Variants in CTNNA2 observed in about 807,000 individuals in gnomAD.
CTNNA2 encodes the protein catenin alpha 2, also known as catenin alpha-2.
CTNNA2 carries 42 observed loss-of-function variants against 101.0 expected under a neutral mutation model. That is an observed-to-expected ratio of 0.42 (90% CI 0.32 to 0.54). CTNNA2 has a LOEUF of 0.54. Among genes scored for constraint, CTNNA2 ranks in the 20% least tolerant of loss-of-function variants. The pLI, the probability that CTNNA2 is intolerant of heterozygous loss-of-function variation, is 0.14. For synonymous variants in CTNNA2, 450 were observed against 456.4 expected (o/e 0.99, Z 0.18); for missense variants, 871 against 1,223.1 (o/e 0.71, Z 4.29).
At chr2:80,215,675 G>A (rs1708218804) in intron 7 of CTNNA2, among the ~76,000 whole-genome samples, 1 of 152,224 alleles carries the variant, frequency 6.6e-6, no homozygotes. Context: ...GGCCCCTACT[G>A]GGAGGTGTCT....
intron 4 of CTNNA2, among the ~76,000 whole-genome samples, chr2:79,480,697 T>C (rs1243612736): frequency 1.3e-5 from 2 of 152,244 alleles, no homozygotes; most frequent in Non-Finnish European, 2.9e-5. Flanking sequence ...ATTTTCTGGT[T>C]AATTTCAGCA....
At chr2:80,479,151 A>G (rs1685955540) in intron 9 of CTNNA2, among the ~76,000 whole-genome samples, 1 of 152,002 alleles carries the variant, frequency 6.6e-6, no homozygotes, top group Non-Finnish European at 1.5e-5. Context: ...ATTTTTATTT[A>G]TTAACAGTTT....
At chr2:80,053,600 T>A (rs537394026) in intron 7 of CTNNA2, among the ~76,000 whole-genome samples, 2 of 152,302 alleles carry the variant, frequency 1.3e-5, no homozygotes, top group South Asian at 4.1e-4. Flanking sequence ...TGCAAAGGTG[T>A]CACTTCCAAA....
intron 7 of CTNNA2, among the ~76,000 whole-genome samples, chr2:80,322,839 C>A (rs1196025234): frequency 1.3e-5 from 2 of 152,154 alleles, no homozygotes; most frequent in Non-Finnish European, 2.9e-5. Flanking sequence ...CAAGACGTTT[C>A]GGGCCAGGCG....
chr2:80,078,284 A>G (rs1002985535), intron 7 of CTNNA2, among the ~76,000 whole-genome samples: 1 of 152,166 alleles, frequency 6.6e-6, no homozygotes, highest in African/African-American at 2.4e-5. Context: ...GAACTTCAAC[A>G]GGAAGTGCAG....
intron 1 of CTNNA2, among the ~76,000 whole-genome samples, chr2:79,521,075 G>A (rs1399045833): frequency 8.8e-6 from 1 of 114,054 alleles, no homozygotes; most frequent in African/African-American, 3.6e-5. Context: ...CTATTTGAAA[G>A]TTACCCCTTT....
chr2:80,128,870 C>T (rs1435188997), intron 7 of CTNNA2, among the ~76,000 whole-genome samples: 1 of 152,120 alleles, frequency 6.6e-6, no homozygotes, highest in African/African-American at 2.4e-5. Context: ...GTCTTAAAGT[C>T]CATTCACACA....
At chr2:80,436,088 A>G (rs1001201067) in intron 9 of CTNNA2, among the ~76,000 whole-genome samples, 3 of 152,200 alleles carry the variant, frequency 2.0e-5, no homozygotes, top group African/African-American at 4.8e-5. Context: ...CAAAGTGAGG[A>G]CAATATACAG....
chr2:79,338,294 G>T (rs1364039752), intron 3 of CTNNA2, among the ~76,000 whole-genome samples: 4 of 149,786 alleles, frequency 2.7e-5, no homozygotes, highest in Non-Finnish European at 4.4e-5. Context: ...GAATGTGTGT[G>T]TGTCCATGTG....
chr2:80,388,910 T>G (rs1253879723), intron 7 of CTNNA2, among the ~76,000 whole-genome samples: 1 of 152,220 alleles, frequency 6.6e-6, no homozygotes, highest in Non-Finnish European at 1.5e-5. Context: ...AGACAAAATA[T>G]GTCCCAGGAC....
At chr2:79,587,886 A>T (rs960641056) in intron 1 of CTNNA2, among the ~76,000 whole-genome samples, 2 of 152,240 alleles carry the variant, frequency 1.3e-5, no homozygotes, top group Admixed American at 1.3e-4. Flanking sequence ...CACAAAAATG[A>T]TATGCTCACA....
At chr2:79,990,047 G>A (rs1014811578) in intron 7 of CTNNA2, among the ~76,000 whole-genome samples, 1 of 152,162 alleles carries the variant, frequency 6.6e-6, no homozygotes, top group African/African-American at 2.4e-5. Flanking sequence ...TCTAGCTGTG[G>A]GAAGAAACAA....
At chr2:79,208,789 A>C (rs13421121) in intron 2 of CTNNA2, among the ~76,000 whole-genome samples, 151 of 152,354 alleles carry the variant, frequency 9.9e-4, no homozygotes, top group African/African-American at 3.2e-3. Flanking sequence ...GGCTGTGACT[A>C]TAAATTAATT....
intron 3 of CTNNA2, among the ~76,000 whole-genome samples, chr2:79,851,754 T>G (rs1680735296): frequency 1.4e-5 from 2 of 142,282 alleles, no homozygotes; most frequent in African/African-American, 2.6e-5. Context: ...TTTTTTTTTT[T>G]TTTTTGAGAC....
chr2:80,254,034 A>T (rs1022010754), intron 7 of CTNNA2, among the ~76,000 whole-genome samples: 2 of 152,144 alleles, frequency 1.3e-5, no homozygotes, highest in Admixed American at 6.6e-5. Context: ...TGCCAAGCCA[A>T]ACATGCTTGC....
intron 7 of CTNNA2, among the ~76,000 whole-genome samples, chr2:80,237,185 G>A (rs1709592893): frequency 6.6e-6 from 1 of 152,126 alleles, no homozygotes; most frequent in Non-Finnish European, 1.5e-5. Context: ...TATTCTATAT[G>A]ATTGAGTCAA....
chr2:80,494,678 C>T (rs562260676), intron 9 of CTNNA2, among the ~76,000 whole-genome samples: 4 of 150,290 alleles, frequency 2.7e-5, no homozygotes, highest in Admixed American at 6.6e-5. Context: ...AAAAGCTAGA[C>T]GAAGGGACAG....
chr2:79,776,440 G>A (rs1422308515), intron 3 of CTNNA2, among the ~76,000 whole-genome samples: 6 of 152,092 alleles, frequency 3.9e-5, no homozygotes, highest in Admixed American at 3.3e-4. Flanking sequence ...AAGCTACACT[G>A]AAGGTTTAAG....
chr2:79,746,565 G>T (rs1671662330), intron 3 of CTNNA2, among the ~76,000 whole-genome samples: 1 of 152,162 alleles, frequency 6.6e-6, no homozygotes, highest in Non-Finnish European at 1.5e-5. Flanking sequence ...TGCCATTCTT[G>T]TTACTTCCCT....
Sources: allele counts gnomAD v4.1 joint callset (sites outside exome capture counted in the v4.1 genomes callset), GRCh38; gene constraint gnomAD v4.1.1; transcripts MANE v1.5; gene names NCBI Gene and HGNC (gene_info 2026-07-23, HGNC 2026-07-21).